EPC2: variants seen among roughly 807,000 people sequenced by gnomAD.
The protein encoded by EPC2 is enhancer of polycomb 2, also known as enhancer of polycomb homolog 2.
Under a neutral mutation model 92.1 loss-of-function variants are expected in EPC2, and 14 were observed. The observed-to-expected ratio is 0.15, with a 90% confidence interval of 0.10 to 0.24. The LOEUF is 0.24. EPC2 is among the 10% of genes least tolerant of loss of function. EPC2 has a pLI of 1.00. For synonymous variants in EPC2, 340 were observed against 334.7 expected, an observed-to-expected ratio of 1.02 and a Z score of -0.17; for missense variants, 755 against 971.5, an observed-to-expected ratio of 0.78 and a Z score of 2.96.
At chr2:148,656,864 T>C (rs1258030731) in intron 1 of EPC2, among the ~76,000 whole-genome samples, 1 of 152,226 alleles carries the variant, frequency 6.6e-6, no homozygotes, top group Non-Finnish European at 1.5e-5. Flanking sequence ...TGTGGAAATT[T>C]ATATCATGAA....
intron 1 of EPC2, among the ~76,000 whole-genome samples, chr2:148,672,576 A>G (rs977695129): frequency 2.6e-5 from 4 of 152,196 alleles, no homozygotes; most frequent in Admixed American, 6.5e-5. Flanking sequence ...CTTAAAAGCA[A>G]TTTATTTTTG....
chr2:148,743,052 A>T (rs1682909827), intron 2 of EPC2, among the ~76,000 whole-genome samples: 1 of 152,176 alleles, frequency 6.6e-6, no homozygotes, highest in Non-Finnish European at 1.5e-5. Context: ...CTGCCCGTGC[A>T]ACATTCCCAC....
chr2:148,739,839 T>C (rs1483130810), intron 2 of EPC2, among the ~76,000 whole-genome samples: 5 of 126,412 alleles, frequency 4.0e-5, no homozygotes, highest in Non-Finnish European at 8.4e-5. Context: ...TCTTCTTTTT[T>C]TTTTTTTTTT....
In EPC2 at chr2:148,781,755, C is replaced by A. The variant is rs758474126; in HGVS notation, c.1832C>A (p.Ser611Ter). The A allele has an allele frequency of 6.2e-7, 1 of 1,613,846 alleles. No individual in the cohort carries two copies. Among genetic ancestry groups the A allele is most frequent in the Non-Finnish European group, 8.5e-7 (1 of 1,179,878 alleles). ...LQQKQQSQHS[S>*]QQTHPKAQGS... The stretch of plus-strand genomic sequence containing the variant: ...CAGAAACAGCAATCTCAGCATTCCT[C>A]GCAACAGACACATCCAAAAGCACAG... The change falls in exon 11 of 14, where the codon TCG becomes TAG. Residue 611 changes from serine (S) to a stop codon, truncating the protein, a stop_gained. Coordinates refer to ENST00000258484, the MANE Select transcript of EPC2 (RefSeq NM_015630.4). LOFTEE classifies it high-confidence loss of function.
At position 148,661,661 on chromosome 2, in the gene EPC2, A is replaced by G. The variant is rs117490883; in HGVS notation, c.153+16491A>G. On this transcript the variant is annotated intron_variant, in intron 1 of 13. Coordinates refer to ENST00000258484, the MANE Select transcript of EPC2 (RefSeq NM_015630.4). ...TATTGATTTACAGATGTAGAAAACA[A>G]TATACATATTTATAATAGCATATAA... 6.4e-4 allele frequency among the ~76,000 whole-genome samples: 97 copies of G among 152,024 alleles called. No homozygotes were observed. In the East Asian group the frequency reaches 0.018, roughly 28 times the overall value.
intron 2 of EPC2, among the ~76,000 whole-genome samples, chr2:148,735,102 TATGA>T (rs1249266224): frequency 6.6e-6 from 1 of 152,086 alleles, no homozygotes; most frequent in Non-Finnish European, 1.5e-5. Flanking sequence ...AATATAATGT[TATGA>T]ATGGCCTTGT....
At chr2:148,653,790 GTGA>G (rs1477109079) in intron 1 of EPC2, among the ~76,000 whole-genome samples, 1 of 145,260 alleles carries the variant, frequency 6.9e-6, no homozygotes, top group Non-Finnish European at 1.5e-5. Context: ...TGCTAATTTG[GTGA>G]AGTTGTTGGA....
chr2:148,772,337 T>C (rs1683539268), intron 10 of EPC2, among the ~76,000 whole-genome samples: 1 of 152,204 alleles, frequency 6.6e-6, no homozygotes, highest in Admixed American at 6.5e-5. Context: ...ATATATGCAT[T>C]GTATCCCAAG....
chr2:148,707,799 A>G (rs982723148), intron 2 of EPC2, among the ~76,000 whole-genome samples: 5 of 152,254 alleles, frequency 3.3e-5, no homozygotes, highest in South Asian at 2.1e-4. Flanking sequence ...TTTGAAACCA[A>G]TGAGAACAAA....
At chr2:148,684,386 A>G (rs2105368335) in intron 1 of EPC2, among the ~76,000 whole-genome samples, 1 of 152,114 alleles carries the variant, frequency 6.6e-6, no homozygotes, top group East Asian at 1.9e-4. Context: ...TCTTTGTTGC[A>G]TTTGCGTTTG....
chr2:148,747,005 G>A (rs1412501065), intron 3 of EPC2, among the ~76,000 whole-genome samples: 1 of 152,034 alleles, frequency 6.6e-6, no homozygotes, highest in East Asian at 1.9e-4. Flanking sequence ...ATCTTAAATG[G>A]CATTCTCTTT....
chr2:148,693,346 T>C (rs749772763), intron 2 of EPC2, among the ~76,000 whole-genome samples: 2 of 152,154 alleles, frequency 1.3e-5, no homozygotes, highest in African/African-American at 4.8e-5. Context: ...GGCAGAAGCC[T>C]CCTTCTTGCC....
chr2:148,757,315 G>A (rs1364991854), intron 4 of EPC2, among the ~76,000 whole-genome samples: 1 of 152,146 alleles, frequency 6.6e-6, no homozygotes, highest in Non-Finnish European at 1.5e-5. Context: ...GGCGGAGGTT[G>A]CAGTGAGCCG....
At chr2:148,691,003 A>G (rs1242238786) in intron 2 of EPC2, among the ~76,000 whole-genome samples, 1 of 152,160 alleles carries the variant, frequency 6.6e-6, no homozygotes, top group Non-Finnish European at 1.5e-5. Context: ...AATGCCCAGG[A>G]GTAGTCTTCT....
chr2:148,707,423 A>G (rs958339763), intron 2 of EPC2, among the ~76,000 whole-genome samples: 4 of 152,198 alleles, frequency 2.6e-5, no homozygotes, highest in Non-Finnish European at 5.9e-5. Context: ...CCCACTGTCA[A>G]CATTAGACAA....
chr2:148,647,696 G>C (rs905731938), intron 1 of EPC2, among the ~76,000 whole-genome samples: 1 of 136,150 alleles, frequency 7.3e-6, no homozygotes, highest in Admixed American at 8.4e-5. Context: ...GCAGTGGCGC[G>C]ATCTCAGCTC....
chr2:148,677,547 G>C (rs1264475363), intron 1 of EPC2, among the ~76,000 whole-genome samples: 1 of 152,040 alleles, frequency 6.6e-6, no homozygotes, highest in African/African-American at 2.4e-5. Context: ...TTGGTGGTAC[G>C]CACTTGTATT....
chr2:148,734,524 TG>T (rs1318807451), intron 2 of EPC2, among the ~76,000 whole-genome samples: 7 of 152,188 alleles, frequency 4.6e-5, no homozygotes, highest in Admixed American at 3.3e-4. Flanking sequence ...CTTTCACTTC[TG>T]GCTAAATTAG....
Position 148,783,762 on chromosome 2 carries a change from G to A in EPC2, c.2017+6G>A. 2 of 1,584,630 alleles carry A rather than the reference G, an allele frequency of 1.3e-6. No homozygotes were observed. Among genetic ancestry groups the A allele is most frequent in the East Asian group, 2.3e-5 (1 of 43,966 alleles). ...CGGTGTTGTCCAGCCTTCAGGTACA[G>A]CTGGGGTTTCACATGGTACCTACTT... On this transcript the variant is annotated splice_donor_region_variant and intron_variant, in intron 12 of 13. Coordinates refer to ENST00000258484, the MANE Select transcript of EPC2 (RefSeq NM_015630.4).
Sources: allele counts gnomAD v4.1 joint callset (sites outside exome capture counted in the v4.1 genomes callset), GRCh38; gene constraint gnomAD v4.1.1; transcripts MANE v1.5; gene names NCBI Gene and HGNC (gene_info 2026-07-23, HGNC 2026-07-21).